AP1B1: variants seen among roughly 807,000 people sequenced by gnomAD.
AP1B1 encodes the protein AP-1 complex subunit beta-1.
In AP1B1, 36 loss-of-function variants were observed where a neutral mutation model predicts 104.3. The ratio of observed to expected loss-of-function variants is 0.35; its 90% CI spans 0.26 to 0.46. AP1B1 has a LOEUF of 0.46. Ranked by LOEUF, AP1B1 falls within the 20% of genes least tolerant of loss-of-function variation. The pLI, the probability that AP1B1 is intolerant of heterozygous loss-of-function variation, is 1.00. For synonymous variants in AP1B1, 504 were observed against 517.5 expected, an observed-to-expected ratio of 0.97 and a Z score of 0.35; for missense variants, 901 against 1,247.9, an observed-to-expected ratio of 0.72 and a Z score of 4.19.
At position 29,339,034 on chromosome 22, in the gene AP1B1, T is replaced by G. The variant is rs1233069201; in HGVS notation, c.2119A>C (p.Ser707Arg). Residue 707 changes from serine to arginine, a missense_variant, in exon 16 of 23, where the codon AGT (serine) becomes CGT (arginine). Ser to Arg is a moderately radical substitution (Grantham distance 110). Coordinates refer to ENST00000357586, the MANE Select transcript of AP1B1 (RefSeq NM_001127.4). ...SGLSDLFDLT[S>R]GVGTLSGSYV... ...GATCCTGACAGGGTGCCCACGCCACTGGTCAGGTCAAAGAGGTCACTCAGG... is the reference window on the plus strand; with the variant it reads ...GATCCTGACAGGGTGCCCACGCCACGGGTCAGGTCAAAGAGGTCACTCAGG... 7 of 1,614,180 alleles carry G rather than the reference T, an allele frequency of 4.3e-6. No homozygotes were observed.
chr22:29,333,636 C>T (rs1055428535), intron 17 of AP1B1, among the ~76,000 whole-genome samples: 1 of 151,804 alleles, frequency 6.6e-6, no homozygotes, highest in African/African-American at 2.4e-5. Context: ...ATTGCTTGAG[C>T]CCAAGGGTTC....
At position 29,341,465 on chromosome 22, in the gene AP1B1, T is replaced by A. The variant is rs545387225; in HGVS notation, c.1796+36A>T. 476 of 1,590,606 alleles carry A rather than the reference T, an allele frequency of 3.0e-4. 7 individuals are homozygous for A. The Middle Eastern group carries it at 6.1e-3, about 20-fold the overall frequency. Reference sequence around the variant, plus strand: ...GTGCTGCTAAACTGGGGAAGCAGAGTGTGAAGGCGCAGGCCGACTGGCCAG... The same window carrying A: ...GTGCTGCTAAACTGGGGAAGCAGAGAGTGAAGGCGCAGGCCGACTGGCCAG... On this transcript the variant is annotated intron_variant, in intron 13 of 22. Transcript: ENST00000357586.
Position 29,356,375 on chromosome 22 carries a change from G to A in AP1B1, c.716+51C>T. 1.9e-6 allele frequency: 3 copies of A among 1,556,668 alleles called. No homozygotes were observed. The South Asian group carries it at 3.6e-5, about 19-fold the overall frequency. On this transcript the variant is annotated intron_variant, in intron 6 of 22. Coordinates refer to ENST00000357586, the MANE Select transcript of AP1B1 (RefSeq NM_001127.4). Reference sequence around the variant, plus strand: ...GGCCCAGTGCCTGGTTGGAGCCCCTGAGGACCAGGGTCCTCAAGCTGGGCT... The same window carrying A: ...GGCCCAGTGCCTGGTTGGAGCCCCTAAGGACCAGGGTCCTCAAGCTGGGCT...
chr22:29,334,418 G>C lies in AP1B1; in HGVS notation c.2164-8C>G. Reference sequence around the variant, plus strand: ...CATGGCTGGGAGCCAGACCTGCAGGGAAGAGGGTGCGGAGGGGGCGGGTAG... The same window carrying C: ...CATGGCTGGGAGCCAGACCTGCAGGCAAGAGGGTGCGGAGGGGGCGGGTAG... On this transcript the variant is annotated splice_region_variant and splice_polypyrimidine_tract_variant and intron_variant, in intron 16 of 22. Transcript: ENST00000357586. The C allele has an allele frequency of 6.2e-7, 1 of 1,600,160 alleles. No individual in the cohort carries two copies. The highest frequency in any genetic ancestry group is 8.5e-7 in the Non-Finnish European group (1 of 1,175,840).
rs1223209885 is a variant in AP1B1 at position 29,328,407 on chromosome 22, G to C, written c.*414C>G. ...CCTGCACACCCAGGCCAGGTTGGCA[G>C]GGTCCATCCCATGAGAGGTGGCAGT... is the stretch of plus-strand genomic sequence containing the variant. On this transcript the variant is annotated 3_prime_UTR_variant, in exon 23 of 23. Coordinates refer to ENST00000357586, the MANE Select transcript of AP1B1 (RefSeq NM_001127.4). The surrounding 1 kb of genome is among the most constrained non-coding windows in gnomAD (Gnocchi z 4.1). The C allele has an allele frequency of 5.9e-6, 1 of 170,562 alleles. No homozygotes were observed. Among genetic ancestry groups the C allele is most frequent in the African/African-American group, 2.4e-5 (1 of 41,882 alleles). 10.6% of individuals were successfully genotyped at this position (170,562 alleles called of 1,614,324 possible). A position where few individuals can be genotyped will look rare whatever the true frequency, so the allele number is the denominator to read the frequency against.
chr22:29,363,186 C>T, intron 2 of AP1B1, 80 bp from the exon 3 acceptor site: 5 of 748,870 alleles, frequency 6.7e-6, no homozygotes, highest in Non-Finnish European at 1.2e-5. Context: ...TCCAAAAGAA[C>T]CGGAGGGAGG....
At chr22:29,384,467 A>G (rs940907067) in intron 1 of AP1B1, among the ~76,000 whole-genome samples, 1 of 152,202 alleles carries the variant, frequency 6.6e-6, no homozygotes, top group African/African-American at 2.4e-5. Context: ...AATTCAATGC[A>G]ATATTCATTC....
In AP1B1 at chr22:29,330,360, G is replaced by A. The variant is rs1370685630; in HGVS notation, c.2766+18C>T. On this transcript the variant is annotated intron_variant, in intron 21 of 22. Coordinates refer to ENST00000357586, the MANE Select transcript of AP1B1 (RefSeq NM_001127.4). ...AGGGGAGGCTCCAAGGCTGCAGGGC[G>A]GGTGCCGGGGCTCTCACCGTGCAGC... The A allele has an allele frequency of 3.7e-6, 6 of 1,612,356 alleles. No homozygotes were observed. The highest frequency in any genetic ancestry group is 2.2e-5 in the East Asian group (1 of 44,836).
At chr22:29,386,210 T>C (rs986960681) in intron 1 of AP1B1, among the ~76,000 whole-genome samples, 1 of 152,180 alleles carries the variant, frequency 6.6e-6, no homozygotes, top group African/African-American at 2.4e-5. Context: ...AGTATTATTT[T>C]AGAACTGAGG....
At chr22:29,340,416 G>A (rs1424956631) in intron 14 of AP1B1, among the ~76,000 whole-genome samples, 11 of 152,166 alleles carry the variant, frequency 7.2e-5, no homozygotes, top group Admixed American at 7.2e-4. Context: ...CAACAAGGGA[G>A]TGGAATCCTG....
chr22:29,364,564 G>T (rs1218694947), intron 2 of AP1B1, among the ~76,000 whole-genome samples: 1 of 152,076 alleles, frequency 6.6e-6, no homozygotes, highest in South Asian at 2.1e-4. Flanking sequence ...GACTACAGGC[G>T]TGCGCCATCA....
chr22:29,329,332 G>A (rs767167626), intron 22 of AP1B1: 59 of 1,175,854 alleles, frequency 5.0e-5, no homozygotes, highest in Non-Finnish European at 5.4e-5. Context: ...GGTTTCCTGC[G>A]TAGGAAGCAG....
chr22:29,351,838 C>T lies in AP1B1; in HGVS notation c.939-13G>A. 1.9e-6 allele frequency: 3 copies of T among 1,613,902 alleles called. No homozygotes were observed. The South Asian group carries it at 3.3e-5, about 18-fold the overall frequency. The stretch of plus-strand genomic sequence containing the variant: ...CAGGATCTCAGGCCTGGTGGTGGGG[C>T]AGGATGCCCGGAGAGCAAAAAACAA... On this transcript the variant is annotated splice_polypyrimidine_tract_variant and intron_variant, in intron 7 of 22. Coordinates refer to ENST00000357586, the MANE Select transcript of AP1B1 (RefSeq NM_001127.4).
chr22:29,334,865 T>C (rs538292705), intron 16 of AP1B1, among the ~76,000 whole-genome samples: 83 of 152,310 alleles, frequency 5.4e-4, no homozygotes, highest in African/African-American at 1.9e-3. Context: ...CTGTCCTCCC[T>C]TGCAGGAGGC....
intron 1 of AP1B1, among the ~76,000 whole-genome samples, chr22:29,378,740 TC>T: frequency 6.6e-6 from 1 of 150,444 alleles, no homozygotes; most frequent in South Asian, 2.1e-4. Flanking sequence ...GTGCCTGTAG[TC>T]CCAGCTACTC....
intron 8 of AP1B1, 153 bp from the exon 9 acceptor site, chr22:29,351,419 C>G: frequency 1.0e-6 from 1 of 974,930 alleles, no homozygotes; most frequent in East Asian, 2.6e-5. Flanking sequence ...CTGGCAGGTG[C>G]CTGAAAAGGA....
Position 29,356,497 on chromosome 22 carries a change from G to A in AP1B1, c.645C>T (p.Thr215=), listed in dbSNP as rs749558679. ...NKLLTALNEC[T]EWGQIFILDC... ...CCAGGATGAAGATCTGGCCCCACTCGGTGCACTCATTGAGGGCTGTCAGCA... is the reference window on the plus strand; with the variant it reads ...CCAGGATGAAGATCTGGCCCCACTCAGTGCACTCATTGAGGGCTGTCAGCA... Residue 215 remains threonine (T), a synonymous_variant, in exon 6 of 23, where the codon ACC becomes ACT. Coordinates refer to ENST00000357586, the MANE Select transcript of AP1B1 (RefSeq NM_001127.4). The A allele has an allele frequency of 6.2e-6, 10 of 1,614,088 alleles. No individual in the cohort carries two copies. Among genetic ancestry groups the A allele is most frequent in the African/African-American group, 2.7e-5 (2 of 74,918 alleles).
intron 13 of AP1B1, 96 bp from the exon 14 acceptor site, chr22:29,340,953 A>T: frequency 7.9e-7 from 1 of 1,260,644 alleles, no homozygotes; most frequent in Non-Finnish European, 1.1e-6. Flanking sequence ...CAGGACAGGC[A>T]CTGAGTCTCC....
intron 1 of AP1B1, among the ~76,000 whole-genome samples, chr22:29,382,902 G>A (rs983273420): frequency 6.6e-6 from 1 of 152,184 alleles, no homozygotes; most frequent in Non-Finnish European, 1.5e-5. Flanking sequence ...GGAGCCACTG[G>A]AGGGTTTTGA....
Sources: allele counts gnomAD v4.1 joint callset (sites outside exome capture counted in the v4.1 genomes callset), GRCh38; gene constraint gnomAD v4.1.1; non-coding constraint Gnocchi (gnomAD v3.1); transcripts MANE v1.5; gene names NCBI Gene and HGNC (gene_info 2026-07-23, HGNC 2026-07-21).